CDH13: variants seen among roughly 807,000 people sequenced by gnomAD.
CDH13 encodes the protein cadherin 13.
CDH13 carries 24 observed loss-of-function variants against 63.8 expected under a neutral mutation model. That is an observed-to-expected ratio of 0.38 (90% CI 0.27 to 0.53). CDH13 has a LOEUF of 0.53. Among genes scored for constraint, CDH13 ranks in the 20% least tolerant of loss-of-function variants. The probability of loss-of-function intolerance (pLI) is 0.85; values close to 1 mark genes in which losing one functional copy is unlikely to be tolerated. For missense variants in CDH13, 1,049 were observed against 903.1 expected (o/e 1.16, Z -2.07); for synonymous variants, 503 against 355.3 (o/e 1.42, Z -4.67).
chr16:83,325,160 C>A (rs1314634603), intron 5 of CDH13, among the ~76,000 whole-genome samples: 1 of 152,180 alleles, frequency 6.6e-6, no homozygotes, highest in African/African-American at 2.4e-5. Flanking sequence ...CTTCTTTAAT[C>A]CCACTAAATC....
At chr16:83,789,580 C>T (rs901323770) in intron 13 of CDH13, among the ~76,000 whole-genome samples, 2 of 151,972 alleles carry the variant, frequency 1.3e-5, no homozygotes, top group African/African-American at 4.8e-5. Flanking sequence ...AACTCCTGAC[C>T]TCAAGTGATC....
At chr16:82,772,518 A>C (rs886445317) in intron 1 of CDH13, among the ~76,000 whole-genome samples, 16 of 152,188 alleles carry the variant, frequency 1.1e-4, no homozygotes. Flanking sequence ...AGGTCTCTCA[A>C]CCTGAGGTGG....
intron 2 of CDH13, among the ~76,000 whole-genome samples, chr16:82,985,549 G>T (rs1167423463): frequency 2.6e-5 from 4 of 152,154 alleles, no homozygotes; most frequent in Admixed American, 2.0e-4. Flanking sequence ...ACAGAGATAG[G>T]TGCGTGGTTT....
At chr16:83,634,434 C>T (rs1911075423) in intron 8 of CDH13, among the ~76,000 whole-genome samples, 3 of 151,180 alleles carry the variant, frequency 2.0e-5, no homozygotes, top group African/African-American at 7.3e-5. Context: ...GGAGTCTTTC[C>T]CAGCCACCCA....
intron 1 of CDH13, among the ~76,000 whole-genome samples, chr16:82,654,140 G>T (rs563370121): frequency 6.6e-6 from 1 of 152,168 alleles, no homozygotes; most frequent in Non-Finnish European, 1.5e-5. Context: ...ACCAGCCAGT[G>T]GGGGAGGTCC....
At chr16:83,504,635 T>A in intron 7 of CDH13, among the ~76,000 whole-genome samples, 1 of 152,098 alleles carries the variant, frequency 6.6e-6, no homozygotes, top group Non-Finnish European at 1.5e-5. Context: ...CCAGTGGGGC[T>A]GATATGGGGT....
At chr16:83,601,101 C>T (rs535575340) in intron 7 of CDH13, among the ~76,000 whole-genome samples, 2 of 152,224 alleles carry the variant, frequency 1.3e-5, no homozygotes, top group East Asian at 1.9e-4. Context: ...TGACTGACTT[C>T]TTCTAATTAG....
chr16:83,711,049 C>T (rs1425669067), intron 10 of CDH13, among the ~76,000 whole-genome samples: 1 of 152,198 alleles, frequency 6.6e-6, no homozygotes, highest in African/African-American at 2.4e-5. Flanking sequence ...TGGCCACCAG[C>T]AGAGGTGCCT....
intron 1 of CDH13, among the ~76,000 whole-genome samples, chr16:82,787,130 G>A (rs1422967402): frequency 6.6e-6 from 1 of 152,144 alleles, no homozygotes; most frequent in African/African-American, 2.4e-5. Flanking sequence ...GTCTTATTAT[G>A]TAAGACTGTT....
At chr16:83,581,385 CT>C (rs1905582847) in intron 7 of CDH13, among the ~76,000 whole-genome samples, 1 of 152,210 alleles carries the variant, frequency 6.6e-6, no homozygotes, top group Non-Finnish European at 1.5e-5. Context: ...CTTAAATATT[CT>C]TCCCACATGC....
At chr16:82,822,417 A>C (rs1197224309) in intron 1 of CDH13, among the ~76,000 whole-genome samples, 1 of 152,228 alleles carries the variant, frequency 6.6e-6, no homozygotes, top group Non-Finnish European at 1.5e-5. Flanking sequence ...GAGGGGATGC[A>C]CATTCACATA....
intron 1 of CDH13, among the ~76,000 whole-genome samples, chr16:82,834,486 AAAAAT>A (rs1255276152): frequency 3.9e-5 from 6 of 152,198 alleles, no homozygotes; most frequent in African/African-American, 1.4e-4. Context: ...AGAAAAGAGA[AAAAAT>A]AAAGAGGTGC....
chr16:82,702,939 C>G (rs2031169584), intron 1 of CDH13, among the ~76,000 whole-genome samples: 1 of 152,100 alleles, frequency 6.6e-6, no homozygotes, highest in Non-Finnish European at 1.5e-5. Context: ...AGTAAGCTCC[C>G]TGTGTGCAGG....
intron 6 of CDH13, among the ~76,000 whole-genome samples, chr16:83,368,589 C>A (rs12598798): frequency 6.6e-6 from 1 of 151,270 alleles, no homozygotes; most frequent in African/African-American, 2.4e-5. Flanking sequence ...GTTCTTTAGC[C>A]GTGATTTCTG....
chr16:83,380,628 C>T lies in CDH13; in HGVS notation c.781+35622C>T, dbSNP rs80002567. Reference sequence around the variant, plus strand: ...GGACAAAATTCTACCATTCTCAGCACGTAGATTCTGCCCTCCAGGCCACTT... The same window carrying T: ...GGACAAAATTCTACCATTCTCAGCATGTAGATTCTGCCCTCCAGGCCACTT... On this transcript the variant is annotated intron_variant, in intron 6 of 13. Transcript: ENST00000567109. Among the ~76,000 whole-genome samples, 1,412 of 152,254 alleles carry T rather than the reference C, an allele frequency of 9.3e-3. 11 individuals are homozygous for T. The highest frequency in any genetic ancestry group is 0.017 in the Admixed American group (261 of 15,290).
chr16:83,224,448 A>G (rs960741659), intron 5 of CDH13, among the ~76,000 whole-genome samples: 3 of 152,200 alleles, frequency 2.0e-5, no homozygotes, highest in African/African-American at 7.2e-5. Context: ...AAGGCAGGTA[A>G]CAGGCTTACA....
chr16:83,134,580 AG>A (rs2036199297), intron 4 of CDH13, among the ~76,000 whole-genome samples: 1 of 61,056 alleles, frequency 1.6e-5, no homozygotes, highest in African/African-American at 1.1e-4. Flanking sequence ...AGAGAGAGAG[AG>A]AGAGAGAGAG....
At chr16:82,793,336 G>C (rs1045037209) in intron 1 of CDH13, among the ~76,000 whole-genome samples, 1 of 151,868 alleles carries the variant, frequency 6.6e-6, no homozygotes, top group East Asian at 1.9e-4. Flanking sequence ...GAAAAGAAAA[G>C]TTCGGGCCAG....
At chr16:82,979,041 A>G (rs1909909085) in intron 2 of CDH13, among the ~76,000 whole-genome samples, 1 of 152,208 alleles carries the variant, frequency 6.6e-6, no homozygotes, top group Non-Finnish European at 1.5e-5. Flanking sequence ...GTGAGACATG[A>G]AGTCAAAGGG....
Sources: allele counts gnomAD v4.1 joint callset (sites outside exome capture counted in the v4.1 genomes callset), GRCh38; gene constraint gnomAD v4.1.1; transcripts MANE v1.5; gene names NCBI Gene and HGNC (gene_info 2026-07-23, HGNC 2026-07-21).